Variants in UMAD1 observed in about 807,000 individuals in gnomAD.
UMAD1 encodes UBAP1-MVB12-associated (UMA) domain containing 1, also known as UBAP1-MVB12-associated (UMA)-domain containing protein 1.
Under a neutral mutation model 6.1 loss-of-function variants are expected in UMAD1, and 8 were observed. The ratio of observed to expected loss-of-function variants is 1.30; its 90% CI spans 0.76 to 2.35. UMAD1 has a LOEUF of 2.35. UMAD1 is among the 30% of genes most tolerant of loss of function. The pLI, the probability that UMAD1 is intolerant of heterozygous loss-of-function variation, is 0.00. For missense variants in UMAD1, 130 were observed against 78.4 expected (o/e 1.66, Z -2.49); for synonymous variants, 56 against 31.4 (o/e 1.78, Z -2.61).
At chr7:7,698,359 C>A (rs1236391967) in intron 2 of UMAD1, among the ~76,000 whole-genome samples, 1 of 152,140 alleles carries the variant, frequency 6.6e-6, no homozygotes, top group Non-Finnish European at 1.5e-5. Flanking sequence ...GCGTTTCCTG[C>A]TGCATCTCTG....
At chr7:7,834,259 G>A (rs1304002659) in intron 3 of UMAD1, among the ~76,000 whole-genome samples, 2 of 151,824 alleles carry the variant, frequency 1.3e-5, no homozygotes, top group Non-Finnish European at 2.9e-5. Flanking sequence ...CTGATCTCAG[G>A]TGATCCACCC....
At chr7:7,723,364 T>G (rs573723029) in intron 2 of UMAD1, among the ~76,000 whole-genome samples, 2 of 152,312 alleles carry the variant, frequency 1.3e-5, no homozygotes, top group South Asian at 4.1e-4. Flanking sequence ...ATGTTACAGC[T>G]CAGGGAGTTA....
chr7:7,813,431 C>G (rs113946433), intron 3 of UMAD1, among the ~76,000 whole-genome samples: 8,103 of 152,198 alleles, frequency 0.053, 295 homozygotes, highest in Non-Finnish European at 0.078. Flanking sequence ...GTCTCGAACT[C>G]CTGACCTCAT....
intron 2 of UMAD1, among the ~76,000 whole-genome samples, chr7:7,798,267 T>C (rs1233276903): frequency 6.6e-6 from 1 of 152,242 alleles, no homozygotes; most frequent in African/African-American, 2.4e-5. Context: ...GAGTTTCACA[T>C]CAGTCCTTTA....
At chr7:7,750,407 T>C (rs112080519) in intron 2 of UMAD1, among the ~76,000 whole-genome samples, 2,737 of 152,264 alleles carry the variant, frequency 0.018, 31 homozygotes, top group Middle Eastern at 0.061. Flanking sequence ...AGAAATGTGT[T>C]TGTGCTTTTA....
intron 3 of UMAD1, among the ~76,000 whole-genome samples, chr7:7,839,373 G>A (rs1331261189): frequency 2.6e-5 from 4 of 152,040 alleles, no homozygotes; most frequent in Non-Finnish European, 4.4e-5. Context: ...ATCATGCCAG[G>A]CTAATTTAAA....
intron 3 of UMAD1, among the ~76,000 whole-genome samples, chr7:7,825,095 C>T (rs1389253589): frequency 6.6e-6 from 1 of 152,042 alleles, no homozygotes; most frequent in African/African-American, 2.4e-5. Context: ...TCCTTGACCT[C>T]TAAGGCTGCC....
At chr7:7,784,031 G>A (rs1356749222) in intron 2 of UMAD1, among the ~76,000 whole-genome samples, 1 of 152,082 alleles carries the variant, frequency 6.6e-6, no homozygotes, top group East Asian at 1.9e-4. Context: ...CCATTCTGAA[G>A]GTGGATATTG....
chr7:7,877,696 A>T lies in UMAD1; in HGVS notation c.*158A>T. ...GTTCACTACTCTATTTTTAAGAAAAAGGTACATTTGTATACAAATTGAACT... is the reference window on the plus strand; with the variant it reads ...GTTCACTACTCTATTTTTAAGAAAATGGTACATTTGTATACAAATTGAACT... On this transcript the variant is annotated 3_prime_UTR_variant, in exon 4 of 4. Transcript: ENST00000682710. 2 of 590,980 alleles carry T rather than the reference A, an allele frequency of 3.4e-6. No individual in the cohort carries two copies. Among genetic ancestry groups the T allele is most frequent in the Non-Finnish European group, 6.0e-6 (2 of 331,112 alleles). The allele number at this position is 590,980 out of a possible 1,614,324, so 36.6% of individuals were successfully genotyped here.
At chr7:7,776,785 T>A (rs1782216641) in intron 2 of UMAD1, among the ~76,000 whole-genome samples, 1 of 152,222 alleles carries the variant, frequency 6.6e-6, no homozygotes, top group African/African-American at 2.4e-5. Context: ...TATCTAAATG[T>A]TCAAAATCTT....
intron 3 of UMAD1, among the ~76,000 whole-genome samples, chr7:7,802,301 C>A (rs975305628): frequency 1.3e-5 from 2 of 152,158 alleles, no homozygotes. Context: ...TCGCTTGAAC[C>A]CCGGAGGTGG....
At chr7:7,805,055 C>A (rs1045864972) in intron 3 of UMAD1, among the ~76,000 whole-genome samples, 1 of 152,124 alleles carries the variant, frequency 6.6e-6, no homozygotes, top group Non-Finnish European at 1.5e-5. Context: ...CCTTCATATA[C>A]TACCTAGATA....
intron 2 of UMAD1, among the ~76,000 whole-genome samples, chr7:7,685,410 A>C (rs748668230): frequency 6.6e-5 from 10 of 151,664 alleles, no homozygotes; most frequent in Non-Finnish European, 1.3e-4. Context: ...CATGGGTTCA[A>C]GCGATTCTCC....
chr7:7,757,960 G>T (rs149137988), intron 2 of UMAD1, among the ~76,000 whole-genome samples: 1 of 152,122 alleles, frequency 6.6e-6, no homozygotes, highest in African/African-American at 2.4e-5. Context: ...TGGGGTAGGG[G>T]TCACTCATAA....
At chr7:7,794,047 A>G (rs149408007) in intron 2 of UMAD1, among the ~76,000 whole-genome samples, 2,281 of 152,302 alleles carry the variant, frequency 0.015, 32 homozygotes, top group Admixed American at 0.051. Context: ...GGTTTTTCTC[A>G]TATTTTTGAC....
chr7:7,642,631 TA>T (rs1441048271), intron 1 of UMAD1, among the ~76,000 whole-genome samples: 3 of 152,168 alleles, frequency 2.0e-5, no homozygotes, highest in African/African-American at 7.2e-5. Flanking sequence ...TTGAGTCACT[TA>T]AAATATTATA....
chr7:7,773,105 G>C (rs1782134552), intron 2 of UMAD1, among the ~76,000 whole-genome samples: 1 of 152,148 alleles, frequency 6.6e-6, no homozygotes, highest in African/African-American at 2.4e-5. Flanking sequence ...AGGTTTTAAA[G>C]ATGATTTAGT....
chr7:7,732,419 A>G (rs1781276943), intron 2 of UMAD1, among the ~76,000 whole-genome samples: 1 of 152,214 alleles, frequency 6.6e-6, no homozygotes, highest in Non-Finnish European at 1.5e-5. Flanking sequence ...ATAGATGTGT[A>G]TAACATCATA....
At chr7:7,781,301 C>G (rs6463718) in intron 2 of UMAD1, among the ~76,000 whole-genome samples, 2 of 151,702 alleles carry the variant, frequency 1.3e-5, no homozygotes, top group Non-Finnish European at 2.9e-5. Flanking sequence ...TTTAATAGTA[C>G]ATAGGGCGCA....
Sources: gnomAD v4.1 joint callset for allele counts (sites outside exome capture counted in the v4.1 genomes callset) on GRCh38, gnomAD v4.1.1 for gene constraint, MANE v1.5 for transcripts, NCBI Gene and HGNC (gene_info 2026-07-23, HGNC 2026-07-21) for gene names.